The following SLC13A5 variants were observed in gnomAD, a reference collection of about 807,000 sequenced individuals.
SLC13A5 encodes the protein solute carrier family 13 member 5.
A neutral mutation model predicts 56.5 loss-of-function variants in SLC13A5; 25 were observed. The observed-to-expected ratio is 0.44, with a 90% CI of 0.32 to 0.62. SLC13A5 has a LOEUF of 0.62. Ranked by LOEUF, SLC13A5 falls within the 20% of genes least tolerant of loss-of-function variation. SLC13A5 has a pLI of 0.04. For synonymous variants in SLC13A5, 307 were observed against 301.5 expected, an observed-to-expected ratio of 1.02 and a Z score of -0.19; for missense variants, 649 against 737.8, an observed-to-expected ratio of 0.88 and a Z score of 1.39.
rs534169070 is a variant in SLC13A5 at position 6,704,787 on chromosome 17, C to G, written c.369-731G>C. On this transcript the variant is annotated intron_variant, in intron 3 of 11. Coordinates refer to ENST00000433363, the MANE Select transcript of SLC13A5 (RefSeq NM_177550.5). ...CCTTCAGAGCCTGCTCAAACAACAT[C>G]CCTCCTCTGGGACCACGCTCTCAGT... The G allele has an allele frequency of 2.2e-4, 35 of 157,124 alleles. 1 individual carries two copies. The highest frequency in any genetic ancestry group is 4.5e-4 in the Non-Finnish European group (32 of 71,298). 9.7% of individuals were successfully genotyped at this position (157,124 alleles called of 1,614,324 possible).
At position 6,685,849 on chromosome 17, in the gene SLC13A5, G is replaced by A. The variant is rs186891452; in HGVS notation, c.*358C>T. ...CCATTTAAACTATCTAGGACGAAGC[G>A]AGTGAAAACCAGAGCCCTGTGTGGG... On this transcript the variant is annotated 3_prime_UTR_variant, in exon 12 of 12. Transcript: ENST00000433363. The surrounding 1 kb of genome is among the most constrained non-coding windows in gnomAD (Gnocchi z 4.2). 41 of 272,150 alleles carry A rather than the reference G, an allele frequency of 1.5e-4. No individual in the cohort carries two copies. The highest frequency in any genetic ancestry group is 5.1e-4 in the African/African-American group (24 of 46,632). The allele number at this position is 272,150 out of a possible 1,614,324, so 16.9% of individuals were successfully genotyped here. A position where few individuals can be genotyped will look rare whatever the true frequency, so the allele number is the denominator to read the frequency against.
rs1271535457 is a variant in SLC13A5, at chr17:6,706,709, C to G, written c.301G>C (p.Glu101Gln). 2.5e-6 allele frequency: 4 copies of G among 1,614,016 alleles called. No individual in the cohort carries two copies. Among genetic ancestry groups the G allele is most frequent in the Non-Finnish European group, 3.4e-6 (4 of 1,179,984 alleles). The change falls in exon 3 of 12, where the codon GAG becomes CAG. Residue 101 changes from glutamate (E) to glutamine (Q), a missense_variant. Coordinates refer to ENST00000433363, the MANE Select transcript of SLC13A5 (RefSeq NM_177550.5). ...LGGLIVAVAVERWNLHKRIAL... is the reference protein window; with the variant it reads ...LGGLIVAVAVQRWNLHKRIAL... ...ATCCTCTTGTGCAGGTTCCAGCGCT[C>G]CACAGCCACGGCCACGATGAGGCCG... is the stretch of plus-strand genomic sequence containing the variant.
At chr17:6,698,015 C>T (rs1446594452) in intron 6 of SLC13A5, among the ~76,000 whole-genome samples, 1 of 152,222 alleles carries the variant, frequency 6.6e-6, no homozygotes, top group Non-Finnish European at 1.5e-5. Flanking sequence ...CATGAGGCCA[C>T]AAAGGCAGGC....
Position 6,703,935 on chromosome 17 carries a change from C to T in SLC13A5, c.490G>A (p.Ala164Thr), listed in dbSNP as rs769026137. 10 of 1,604,626 alleles carry T rather than the reference C, an allele frequency of 6.2e-6. No homozygotes were observed. Among genetic ancestry groups the T allele is most frequent in the Middle Eastern group, 1.7e-4 (1 of 6,016 alleles). ...AGCTCCAGGCCGGCCTCGGTGGCTG[C>T]GCTTGTGGCTTCCATCTGCTGCAAT... ...AILQQMEATS[A>T]ATEAGLELVD... The change falls in exon 4 of 12, where the codon GCA (alanine) becomes ACA (threonine). Residue 164 changes from alanine (A) to threonine (T), a missense_variant. Ala to Thr is a moderately conservative substitution (Grantham distance 58). Coordinates refer to ENST00000433363, the MANE Select transcript of SLC13A5 (RefSeq NM_177550.5).
rs998543383 is a variant in SLC13A5 at position 6,701,468 on chromosome 17, C to G, written c.717-342G>C. 2.0e-5 allele frequency among the ~76,000 whole-genome samples: 3 copies of G among 152,194 alleles called. No individual in the cohort carries two copies. Among genetic ancestry groups the G allele is most frequent in the Non-Finnish European group, 4.4e-5 (3 of 68,036 alleles). Reference sequence around the variant, plus strand: ...GGCTCACGCCTGTAATTCCAGGACTCTGGGAGGCCGAGGCAGGTGGGGCAC... The same window carrying G: ...GGCTCACGCCTGTAATTCCAGGACTGTGGGAGGCCGAGGCAGGTGGGGCAC... On this transcript the variant is annotated intron_variant, in intron 5 of 11. Transcript: ENST00000433363. This position sits in a 1 kb window ranked among gnomAD's most constrained non-coding sequence, Gnocchi z 4.1.
chr17:6,690,739 G>A, intron 10 of SLC13A5, 40 bp downstream of exon 10: 1 of 1,613,826 alleles, frequency 6.2e-7, no homozygotes, highest in Non-Finnish European at 8.5e-7. Context: ...ATGTGTTCCT[G>A]TGAAATGGAA....
At chr17:6,708,402 A>C (rs1973929068) in intron 1 of SLC13A5, among the ~76,000 whole-genome samples, 1 of 152,242 alleles carries the variant, frequency 6.6e-6, no homozygotes, top group African/African-American at 2.4e-5. Flanking sequence ...CACCACAACC[A>C]GTGCGTGACT....
rs1057518298 is a variant in SLC13A5, at chr17:6,702,965, C to T, written c.716+5G>A. The T allele has an allele frequency of 6.2e-7, 1 of 1,613,754 alleles. No homozygotes were observed. Among genetic ancestry groups the T allele is most frequent in the South Asian group, 1.1e-5 (1 of 91,042 alleles). On this transcript the variant is annotated splice_donor_5th_base_variant and intron_variant, in intron 5 of 11. Transcript: ENST00000433363. ...TGTCCCCAGAAGGTGCGACCAAGGA[C>T]TCACTCGTTCATCTGGCCCAGGAGC... is the stretch of plus-strand genomic sequence containing the variant.
rs1424052566 is a variant in SLC13A5, at chr17:6,694,090, G to T, written c.1156+7C>A. On this transcript the variant is annotated splice_region_variant and intron_variant, in intron 8 of 11. Coordinates refer to ENST00000433363, the MANE Select transcript of SLC13A5 (RefSeq NM_177550.5). ...TGATGACTGGGCGATCAGAACAGGA[G>T]ACTTACCTTCCTCAGTCTGGCTGCG... The T allele has an allele frequency of 1.6e-5, 25 of 1,603,714 alleles. No individual in the cohort carries two copies. Among genetic ancestry groups the T allele is most frequent in the Non-Finnish European group, 2.0e-5 (24 of 1,171,174 alleles).
chr17:6,712,347 C>T (rs926667461), intron 1 of SLC13A5, among the ~76,000 whole-genome samples: 1 of 152,240 alleles, frequency 6.6e-6, no homozygotes. Flanking sequence ...GAGCAGCCAG[C>T]AGCCACAAAA....
intron 7 of SLC13A5, among the ~76,000 whole-genome samples, chr17:6,695,048 G>C (rs967132474): frequency 4.6e-5 from 7 of 152,256 alleles, no homozygotes; most frequent in African/African-American, 1.7e-4. Flanking sequence ...AGATGAGAAA[G>C]GGAAGATGGC....
rs757015514 is a variant in SLC13A5 at position 6,701,105 on chromosome 17, G to T, written c.738C>A (p.Asp246Glu). ...CAAACCAGGAAGCAAAGTTCACGAG[G>T]TCCTTGCTGTCAGGAAACAACCTAC... ...QMNELFPDSK[D>E]LVNFASWFAF... Residue 246 changes from aspartate to glutamate, a missense_variant, in exon 6 of 12, where the codon GAC becomes GAA. Coordinates refer to ENST00000433363, the MANE Select transcript of SLC13A5 (RefSeq NM_177550.5). The surrounding 1 kb of genome is among the most constrained non-coding windows in gnomAD (Gnocchi z 4.1). The T allele has an allele frequency of 1.9e-6, 3 of 1,614,112 alleles. No individual in the cohort carries two copies. The highest frequency in any genetic ancestry group is 2.5e-6 in the Non-Finnish European group (3 of 1,179,998).
chr17:6,685,049 A>G lies in SLC13A5; in HGVS notation c.*1158T>C, dbSNP rs1973202886. On this transcript the variant is annotated 3_prime_UTR_variant, in exon 12 of 12. Coordinates refer to ENST00000433363, the MANE Select transcript of SLC13A5 (RefSeq NM_177550.5). This position sits in a 1 kb window ranked among gnomAD's most constrained non-coding sequence, Gnocchi z 4.2. ...TGGGGTCTTTGTCCGAGTAACTTCA[A>G]GTAGATTGGCCCACGGGCAGGGGTT... 1 of 152,198 alleles carries G rather than the reference A, an allele frequency of 6.6e-6. No individual in the cohort carries two copies. Among genetic ancestry groups the G allele is most frequent in the Non-Finnish European group, 1.5e-5 (1 of 68,044 alleles). 9.4% of individuals were successfully genotyped at this position (152,198 alleles called of 1,614,324 possible).
intron 4 of SLC13A5, among the ~76,000 whole-genome samples, 185 bp downstream of exon 4, chr17:6,703,693 A>C (rs1006240678): frequency 2.0e-5 from 3 of 146,882 alleles, no homozygotes; most frequent in South Asian, 2.2e-4. Flanking sequence ...AAAGGATCTA[A>C]GTTGTGTGCA....
chr17:6,704,509 G>A lies in SLC13A5; in HGVS notation c.369-453C>T, dbSNP rs1379427314. 3 of 338,884 alleles carry A rather than the reference G, an allele frequency of 8.9e-6. No individual in the cohort carries two copies. The Admixed American group carries it at 1.1e-4, about 13-fold the overall frequency. The allele number at this position is 338,884 out of a possible 1,614,324, so 21.0% of individuals were successfully genotyped here. On this transcript the variant is annotated intron_variant, in intron 3 of 11. Coordinates refer to ENST00000433363, the MANE Select transcript of SLC13A5 (RefSeq NM_177550.5). ...AAATTCCCACCCACCCCCAAACTCT[G>A]TTGCACCTCTCAGAAGTTCAGAAGG... is the stretch of plus-strand genomic sequence containing the variant.
rs1973430693 is a variant in SLC13A5 at position 6,692,230 on chromosome 17, C to CGG, written c.1275+813_1275+814insCC. 1.1e-5 allele frequency among the ~76,000 whole-genome samples: 1 copy of CGG among 93,356 alleles called. No homozygotes were observed. The highest frequency in any genetic ancestry group is 5.1e-5 in the African/African-American group (1 of 19,630). The allele number at this position is 93,356 out of a possible 152,430, so 61.2% of individuals were successfully genotyped here. A position where few individuals can be genotyped will look rare whatever the true frequency, so the allele number is the denominator to read the frequency against. ...ATAGATAGATGGGTGGATGGATGGA[C>CGG]AGATGGATGGATGGATGGATGGATG... On this transcript the variant is annotated intron_variant, in intron 9 of 11. Coordinates refer to ENST00000433363, the MANE Select transcript of SLC13A5 (RefSeq NM_177550.5). The surrounding 1 kb of genome is among the most constrained non-coding windows in gnomAD (Gnocchi z 5.5).
intron 1 of SLC13A5, among the ~76,000 whole-genome samples, chr17:6,708,803 C>T (rs1260583906): frequency 2.0e-5 from 3 of 152,196 alleles, no homozygotes; most frequent in African/African-American, 7.2e-5. Context: ...GACACGCACG[C>T]CCACGCTCAC....
At chr17:6,703,313 G>T (rs765516586) in intron 4 of SLC13A5, among the ~76,000 whole-genome samples, 175 bp from the exon 5 acceptor site, 1 of 152,232 alleles carries the variant, frequency 6.6e-6, no homozygotes. Context: ...CTCTCTGTAA[G>T]CCCCAGGACC....
Position 6,706,680 on chromosome 17 carries a change from G to A in SLC13A5, c.330C>T (p.Ala110=). The change falls in exon 3 of 12, where the codon GCC becomes GCT. Residue 110 remains alanine, a synonymous_variant. Coordinates refer to ENST00000433363, the MANE Select transcript of SLC13A5 (RefSeq NM_177550.5). ...CCCCCACCCAGAGGAGCGTGCGCAG[G>A]GCGATCCTCTTGTGCAGGTTCCAGC... ...VERWNLHKRI[A]LRTLLWVGAK... is the part of the protein sequence containing the mutation. The A allele has an allele frequency of 6.2e-7, 1 of 1,613,944 alleles. No individual in the cohort carries two copies. The highest frequency in any genetic ancestry group is 8.5e-7 in the Non-Finnish European group (1 of 1,179,968).
Sources: gnomAD v4.1 joint callset for allele counts (sites outside exome capture counted in the v4.1 genomes callset) on GRCh38, gnomAD v4.1.1 for gene constraint, Gnocchi (gnomAD v3.1) non-coding constraint, MANE v1.5 for transcripts, NCBI Gene and HGNC (gene_info 2026-07-23, HGNC 2026-07-21) for gene names.